VAV2: variants seen among roughly 807,000 people sequenced by gnomAD.
The protein encoded by VAV2 is guanine nucleotide exchange factor VAV2.
In VAV2, 67 loss-of-function variants were observed where a neutral mutation model predicts 132.5. The ratio of observed to expected loss-of-function variants is 0.51; its 90% CI spans 0.42 to 0.62. The LOEUF (loss-of-function observed/expected upper bound fraction) is 0.62, where lower values mean the gene tolerates loss of function less well. Among genes scored for constraint, VAV2 ranks in the 20% least tolerant of loss-of-function variants. The pLI, the probability that VAV2 is intolerant of heterozygous loss-of-function variation, is 0.00. For missense variants in VAV2, 938 were observed against 1,153.6 expected (o/e 0.81, Z 2.71); for synonymous variants, 492 against 443.5 (o/e 1.11, Z -1.37).
chr9:133,812,037 G>A (rs1835375254), intron 5 of VAV2, 77 bp downstream of exon 5: 8 of 1,456,354 alleles, frequency 5.5e-6, no homozygotes, highest in African/African-American at 1.4e-5. Context: ...GGACAGCTCG[G>A]TATTGTGTTA....
chr9:133,856,003 C>T (rs1034644208), intron 3 of VAV2, among the ~76,000 whole-genome samples: 1 of 152,228 alleles, frequency 6.6e-6, no homozygotes, highest in Non-Finnish European at 1.5e-5. Flanking sequence ...TGACCGGCTA[C>T]GGCTGGGTGA....
chr9:133,858,486 G>A (rs1408363295), intron 3 of VAV2, among the ~76,000 whole-genome samples: 3 of 152,216 alleles, frequency 2.0e-5, no homozygotes, highest in South Asian at 2.1e-4. Flanking sequence ...GCTCCACCCC[G>A]GGGCCTTTTC....
intron 2 of VAV2, among the ~76,000 whole-genome samples, chr9:133,896,544 G>A (rs1006553438): frequency 6.6e-6 from 1 of 152,164 alleles, no homozygotes; most frequent in African/African-American, 2.4e-5. Flanking sequence ...CTCTCGCAGC[G>A]TCAGATCTAG....
chr9:133,940,672 C>CGTGTGTGTGTGT (rs60265901), intron 1 of VAV2, among the ~76,000 whole-genome samples: 5,387 of 139,114 alleles, frequency 0.039, 115 homozygotes, highest in East Asian at 0.065. Context: ...TGTCCACGTG[C>CGTGTGTGTGTGT]GTGTGTGTGT....
At chr9:133,944,987 G>A (rs1030274257) in intron 1 of VAV2, among the ~76,000 whole-genome samples, 2 of 152,224 alleles carry the variant, frequency 1.3e-5, no homozygotes, top group African/African-American at 4.8e-5. Context: ...GATTATAGGC[G>A]CTCCACGGCC....
At position 133,935,048 on chromosome 9, in the gene VAV2, C is replaced by A. The variant is rs3780764; in HGVS notation, c.321+4055G>T. Among the ~76,000 whole-genome samples the A allele has an allele frequency of 6.8e-6, 1 of 146,870 alleles. No homozygotes were observed. The highest frequency in any genetic ancestry group is 6.8e-5 in the Admixed American group (1 of 14,730). On this transcript the variant is annotated intron_variant, in intron 2 of 29. Coordinates refer to ENST00000371850, the MANE Select transcript of VAV2 (RefSeq NM_001134398.2). The surrounding 1 kb of genome is among the most constrained non-coding windows in gnomAD (Gnocchi z 5.2). ...CCTGACCAGCCCCACCCACCCCAGA[C>A]GACAGTCAGTTCTGACTGCAGAGCT...
In VAV2 at chr9:133,912,081, T is replaced by C. The variant is rs1377785597; in HGVS notation, c.321+27022A>G. Among the ~76,000 whole-genome samples, 1 of 152,158 alleles carries C rather than the reference T, an allele frequency of 6.6e-6. No individual in the cohort carries two copies. The highest frequency in any genetic ancestry group is 2.4e-5 in the African/African-American group (1 of 41,434). ...CCATTAGCTATCTTTCCTGATCTCC[T>C]CCCTGCCCTCCAAAGATGGCTGATT... On this transcript the variant is annotated intron_variant, in intron 2 of 29. Transcript: ENST00000371850. This position sits in a 1 kb window ranked among gnomAD's most constrained non-coding sequence, Gnocchi z 4.3.
At chr9:133,984,739 C>G (rs1192487547) in intron 1 of VAV2, among the ~76,000 whole-genome samples, 1 of 152,100 alleles carries the variant, frequency 6.6e-6, no homozygotes, top group African/African-American at 2.4e-5. Flanking sequence ...GAAGCCTTAT[C>G]TCTCCTAAAA....
intron 19 of VAV2, among the ~76,000 whole-genome samples, chr9:133,783,164 C>T (rs980817506): frequency 6.6e-6 from 1 of 152,186 alleles, no homozygotes; most frequent in African/African-American, 2.4e-5. Flanking sequence ...TGAGAAACCT[C>T]CATGCACCTG....
rs754996971 is a variant in VAV2 at position 133,796,546 on chromosome 9, GGGAGAGCCCTCCCCGA to G, written c.937-38_937-23del. ...ACTCCTGGGAGGGCGACAGGGCGAT[GGGAGAGCCCTCCCCGA>G]GGAAAGCCTGAACCCACCCACCTGT... On this transcript the variant is annotated intron_variant, in intron 10 of 29. Coordinates refer to ENST00000371850, the MANE Select transcript of VAV2 (RefSeq NM_001134398.2). The G allele has an allele frequency of 6.9e-6, 11 of 1,605,030 alleles. No homozygotes were observed. The Admixed American group carries it at 1.3e-4, about 20-fold the overall frequency.
intron 19 of VAV2, among the ~76,000 whole-genome samples, chr9:133,781,309 GC>G (rs1385066592): frequency 6.6e-6 from 1 of 152,228 alleles, no homozygotes; most frequent in Admixed American, 6.5e-5. Context: ...CCAGCCATCT[GC>G]CAAGGTGGCT....
intron 25 of VAV2, among the ~76,000 whole-genome samples, chr9:133,773,426 T>C (rs1263692364): frequency 6.6e-6 from 1 of 152,260 alleles, no homozygotes; most frequent in Non-Finnish European, 1.5e-5. Flanking sequence ...GACATTGCTG[T>C]GCACCACTGT....
chr9:133,793,415 C>T lies in VAV2; in HGVS notation c.1102-1546G>A, dbSNP rs545246520. On this transcript the variant is annotated intron_variant, in intron 12 of 29. Transcript: ENST00000371850. ...GACCTCACCATTGGCTCCCCACCCA[C>T]CCCGCAGGAGGGAACTTCCTGGGGA... 3.4e-3 allele frequency among the ~76,000 whole-genome samples: 513 copies of T among 152,312 alleles called. 2 individuals carry two copies. The highest frequency in any genetic ancestry group is 5.4e-3 in the Non-Finnish European group (368 of 68,032).
intron 2 of VAV2, among the ~76,000 whole-genome samples, chr9:133,894,239 G>A (rs550948896): frequency 1.6e-4 from 25 of 152,366 alleles, no homozygotes; most frequent in African/African-American, 6.0e-4. Context: ...CTTTCCCAAG[G>A]ATGGGGGAGC....
intron 3 of VAV2, among the ~76,000 whole-genome samples, chr9:133,841,924 A>G (rs1405826890): frequency 1.3e-5 from 2 of 151,828 alleles, no homozygotes; most frequent in African/African-American, 4.9e-5. Flanking sequence ...AGCCAGCCGC[A>G]GTGGGACCAA....
intron 2 of VAV2, among the ~76,000 whole-genome samples, chr9:133,887,268 G>A (rs769929619): frequency 3.9e-5 from 6 of 152,184 alleles, no homozygotes; most frequent in Non-Finnish European, 7.4e-5. Flanking sequence ...TGGGGGTGGG[G>A]GAAGGGGCAG....
chr9:133,904,006 T>C (rs564151312), intron 2 of VAV2, among the ~76,000 whole-genome samples: 1 of 152,236 alleles, frequency 6.6e-6, no homozygotes, highest in Non-Finnish European at 1.5e-5. Flanking sequence ...ACTTCATCTA[T>C]CCCTAAAAGC....
intron 1 of VAV2, among the ~76,000 whole-genome samples, chr9:133,947,522 A>C (rs551546046): frequency 4.7e-4 from 71 of 152,184 alleles, no homozygotes; most frequent in African/African-American, 1.7e-3. Flanking sequence ...CAACATGGTG[A>C]AACCTCGTCT....
intron 2 of VAV2, among the ~76,000 whole-genome samples, chr9:133,924,685 G>C (rs973604238): frequency 1.3e-5 from 2 of 152,222 alleles, no homozygotes; most frequent in African/African-American, 4.8e-5. Context: ...CAGGGTCCAA[G>C]GGGCAATGTC....
Sources: allele counts gnomAD v4.1 joint callset (sites outside exome capture counted in the v4.1 genomes callset), GRCh38; gene constraint gnomAD v4.1.1; non-coding constraint Gnocchi (gnomAD v3.1); transcripts MANE v1.5; gene names NCBI Gene and HGNC (gene_info 2026-07-23, HGNC 2026-07-21).